TENM2: variants seen among roughly 807,000 people sequenced by gnomAD.
The protein encoded by TENM2 is teneurin-2.
Under a neutral mutation model 245.2 loss-of-function variants are expected in TENM2, and 52 were observed. The observed-to-expected ratio is 0.21, with a 90% CI of 0.17 to 0.27. TENM2 has a LOEUF of 0.27. Among genes scored for constraint, TENM2 ranks in the 10% least tolerant of loss-of-function variants. TENM2 has a pLI of 1.00. For missense variants in TENM2, 3,046 were observed against 3,666.8 expected (o/e 0.83, Z 4.37); for synonymous variants, 1,363 against 1,438.9 (o/e 0.95, Z 1.19).
rs191788585 is a variant in TENM2 at position 167,805,246 on chromosome 5, A to G, written c.503-70740A>G. ...CCTTCCATTCAATTGTTTCATGTCT[A>G]TCTGTTTTATTAGCTGTCCCTATGG... On this transcript the variant is annotated intron_variant, in intron 2 of 28. Coordinates refer to ENST00000518659, the Ensembl canonical transcript of TENM2. 6.8e-4 allele frequency among the ~76,000 whole-genome samples: 104 copies of G among 151,906 alleles called. No homozygotes were observed. The East Asian group carries it at 0.02, about 29-fold the overall frequency.
chr5:167,446,890 T>C (rs1303188810), intron 2 of TENM2, among the ~76,000 whole-genome samples: 1 of 152,032 alleles, frequency 6.6e-6, no homozygotes, highest in African/African-American at 2.4e-5. Context: ...TTTGAAATGC[T>C]TGGAGCCGGA....
the TENM2 span, among the ~76,000 whole-genome samples, chr5:167,065,879 C>T: frequency 6.6e-6 from 1 of 152,176 alleles, no homozygotes; most frequent in African/African-American, 2.4e-5. Flanking sequence ...CCTAAGCTTC[C>T]TTCTCTTTCT....
At chr5:168,118,818 TTC>T (rs1000997889) in intron 10 of TENM2, among the ~76,000 whole-genome samples, 1 of 152,156 alleles carries the variant, frequency 6.6e-6, no homozygotes, top group Non-Finnish European at 1.5e-5. Flanking sequence ...CTCCCCTTCC[TTC>T]TCTTTCTTTT....
At chr5:167,069,805 A>C in the TENM2 span, among the ~76,000 whole-genome samples, 1 of 152,242 alleles carries the variant, frequency 6.6e-6, no homozygotes, top group African/African-American at 2.4e-5. Flanking sequence ...ATTCAAAAAT[A>C]AGCTTGAAAA....
chr5:167,866,554 G>C (rs1176045457), intron 2 of TENM2, among the ~76,000 whole-genome samples: 1 of 151,892 alleles, frequency 6.6e-6, no homozygotes, highest in Non-Finnish European at 1.5e-5. Context: ...TCCATGCACG[G>C]AGAGAGATAT....
chr5:167,565,990 G>A (rs1421347550), intron 2 of TENM2, among the ~76,000 whole-genome samples: 1 of 151,778 alleles, frequency 6.6e-6, no homozygotes, highest in Non-Finnish European at 1.5e-5. Context: ...TTTGTCAGCT[G>A]TTAAAATCAC....
At chr5:168,139,734 G>A (rs1755369201) in intron 12 of TENM2, among the ~76,000 whole-genome samples, 1 of 152,146 alleles carries the variant, frequency 6.6e-6, no homozygotes, top group Non-Finnish European at 1.5e-5. Context: ...CATTCAACAG[G>A]GTGTAAGAGG....
chr5:167,717,446 C>T (rs1006421552), intron 2 of TENM2, among the ~76,000 whole-genome samples: 3 of 152,056 alleles, frequency 2.0e-5, no homozygotes, highest in Admixed American at 6.6e-5. Flanking sequence ...CTAAAATAAC[C>T]TGGGTTGTAT....
At chr5:167,150,368 T>C in the TENM2 span, among the ~76,000 whole-genome samples, 8 of 152,228 alleles carry the variant, frequency 5.3e-5, no homozygotes, top group African/African-American at 7.2e-5. Flanking sequence ...AAAATTATTA[T>C]GGGCAAATAA....
intron 2 of TENM2, among the ~76,000 whole-genome samples, chr5:167,396,755 A>G (rs1762076850): frequency 6.6e-6 from 1 of 152,198 alleles, no homozygotes; most frequent in Non-Finnish European, 1.5e-5. Context: ...TGAAATGAGC[A>G]TTTGGAGAAA....
chr5:167,325,571 C>T (rs1242538970), intron 1 of TENM2, among the ~76,000 whole-genome samples: 1 of 152,200 alleles, frequency 6.6e-6, no homozygotes, highest in African/African-American at 2.4e-5. Context: ...CTTTCCTTAC[C>T]ACACAAGTGG....
intron 2 of TENM2, among the ~76,000 whole-genome samples, chr5:167,395,111 C>T (rs1249050807): frequency 6.6e-6 from 1 of 152,130 alleles, no homozygotes; most frequent in African/African-American, 2.4e-5. Flanking sequence ...AACATTAAGT[C>T]TTCCAATCCA....
At chr5:167,100,118 G>A in the TENM2 span, among the ~76,000 whole-genome samples, 95 of 152,308 alleles carry the variant, frequency 6.2e-4, no homozygotes, top group East Asian at 0.011. Flanking sequence ...CCTATGTAAA[G>A]ATGGCCTTGT....
chr5:167,097,393 C>T, the TENM2 span, among the ~76,000 whole-genome samples: 2 of 152,112 alleles, frequency 1.3e-5, no homozygotes, highest in Non-Finnish European at 2.9e-5. Context: ...CTTAATGTAG[C>T]ATGCTGTTAA....
chr5:167,176,738 T>C, the TENM2 span, among the ~76,000 whole-genome samples: 4 of 152,188 alleles, frequency 2.6e-5, no homozygotes, highest in East Asian at 1.9e-4. Flanking sequence ...GTATCTTCCA[T>C]GTAAGGTGCC....
chr5:167,251,780 T>C, the TENM2 span, among the ~76,000 whole-genome samples: 71 of 152,242 alleles, frequency 4.7e-4, no homozygotes, highest in African/African-American at 1.7e-3. Context: ...CAGCAATGCA[T>C]TTAGAGATTT....
chr5:167,618,463 C>T (rs1280572559), intron 2 of TENM2, among the ~76,000 whole-genome samples: 1 of 152,090 alleles, frequency 6.6e-6, no homozygotes, highest in Non-Finnish European at 1.5e-5. Context: ...CTTCCATATA[C>T]ACTTATTCAT....
At chr5:167,532,301 C>G (rs905099028) in intron 2 of TENM2, among the ~76,000 whole-genome samples, 4 of 150,310 alleles carry the variant, frequency 2.7e-5, no homozygotes, top group Non-Finnish European at 5.9e-5. Flanking sequence ...CTCTCTCTCT[C>G]TCTCTCTTTT....
intron 5 of TENM2, 129 bp from the exon 8 acceptor site, chr5:168,047,298 G>A (rs2152036736): frequency 9.6e-7 from 1 of 1,046,628 alleles, no homozygotes; most frequent in Non-Finnish European, 1.4e-6. Flanking sequence ...CCTGTGGCCT[G>A]GGGCAAGCCA....
Sources: allele counts gnomAD v4.1 joint callset (sites outside exome capture counted in the v4.1 genomes callset), GRCh38; gene constraint gnomAD v4.1.1; transcripts MANE v1.5; gene names NCBI Gene and HGNC (gene_info 2026-07-23, HGNC 2026-07-21).